Variants in MAGED1 observed in about 807,000 individuals in gnomAD.
MAGED1 encodes the protein MAGE family member D1.
A neutral mutation model predicts 54.1 loss-of-function variants in MAGED1; 3 were observed. The observed-to-expected ratio is 0.06, with a 90% CI of 0.03 to 0.14. The LOEUF (loss-of-function observed/expected upper bound fraction) is 0.14. Among genes scored for constraint, MAGED1 ranks in the 10% least tolerant of loss-of-function variants. MAGED1 has a pLI of 1.00. For synonymous variants in MAGED1, 217 were observed against 227.3 expected, an observed-to-expected ratio of 0.95 and a Z score of 0.41; for missense variants, 485 against 623.4, an observed-to-expected ratio of 0.78 and a Z score of 2.36.
intron 1 of MAGED1, among the ~76,000 whole-genome samples, chrX:51,852,214 A>G (rs1232964729): frequency 3.6e-5 from 4 of 111,674 alleles, no homozygotes; most frequent in Admixed American, 9.5e-5. Flanking sequence ...TCCCGTTGCC[A>G]TCTCTCCTCT....
intron 1 of MAGED1, among the ~76,000 whole-genome samples, chrX:51,834,484 T>A (rs781970409): frequency 1.8e-5 from 2 of 112,490 alleles, no homozygotes; most frequent in South Asian, 7.3e-4. Context: ...TCATTGGTGT[T>A]GACATTTAAA....
chrX:51,901,426 A>G (rs1929017014), intron 11 of MAGED1, 127 bp from the exon 12 acceptor site: 3 of 576,966 alleles, frequency 5.2e-6, no homozygotes, highest in Non-Finnish European at 7.6e-6. Flanking sequence ...AAGGCTGAAT[A>G]GTATTCCATT....
chrX:51,864,490 A>G (rs781961681), intron 1 of MAGED1, among the ~76,000 whole-genome samples: 1 of 111,593 alleles, frequency 9.0e-6, no homozygotes, highest in South Asian at 3.7e-4. Context: ...TTCTTATTCA[A>G]GATTGCTTTT....
At chrX:51,810,496 C>T (rs1925179819) in intron 1 of MAGED1, among the ~76,000 whole-genome samples, 1 of 112,049 alleles carries the variant, frequency 8.9e-6, no homozygotes, top group South Asian at 3.7e-4. Context: ...TTATAGAATG[C>T]TTACTATCAT....
At chrX:51,886,757 T>G (rs1928247778) in intron 1 of MAGED1, among the ~76,000 whole-genome samples, 1 of 110,941 alleles carries the variant, frequency 9.0e-6, no homozygotes, top group Non-Finnish European at 1.9e-5. Flanking sequence ...ACGTGGAAAT[T>G]AAAAATAGAA....
chrX:51,822,518 A>G (rs1363592771), intron 1 of MAGED1, among the ~76,000 whole-genome samples: 1 of 109,723 alleles, frequency 9.1e-6, no homozygotes, highest in African/African-American at 3.3e-5. Context: ...TCGATTCTCT[A>G]TGTCATTTAT....
chrX:51,844,251 A>C (rs1480392441), intron 1 of MAGED1, among the ~76,000 whole-genome samples: 1 of 112,042 alleles, frequency 8.9e-6, no homozygotes, highest in African/African-American at 3.2e-5. Flanking sequence ...GAAGAAAAGA[A>C]GATCCTTACT....
chrX:51,873,592 T>C (rs1197041959), intron 1 of MAGED1, among the ~76,000 whole-genome samples: 1 of 106,605 alleles, frequency 9.4e-6, no homozygotes, highest in Non-Finnish European at 1.9e-5. Flanking sequence ...TGTTTTAGGA[T>C]GGGTATTTGG....
At chrX:51,844,745 G>A (rs1226132542) in intron 1 of MAGED1, among the ~76,000 whole-genome samples, 5 of 111,661 alleles carry the variant, frequency 4.5e-5, no homozygotes, top group African/African-American at 1.6e-4. Context: ...GAATTATCCA[G>A]GATAGATATC....
chrX:51,882,705 T>A (rs1928100516), intron 1 of MAGED1, among the ~76,000 whole-genome samples: 1 of 111,599 alleles, frequency 9.0e-6, no homozygotes, highest in Non-Finnish European at 1.9e-5. Context: ...TTTATTTTTT[T>A]TTGAGACGGA....
intron 1 of MAGED1, among the ~76,000 whole-genome samples, chrX:51,810,592 A>G (rs782375091): frequency 1.2e-4 from 13 of 111,909 alleles, no homozygotes; most frequent in African/African-American, 4.2e-4. Context: ...TCTAGTGTGG[A>G]TATGAGCAAA....
At chrX:51,803,627 C>CTTT (rs1179676499) in intron 1 of MAGED1, among the ~76,000 whole-genome samples, 39 of 60,427 alleles carry the variant, frequency 6.5e-4, no homozygotes, top group African/African-American at 1.7e-3. Context: ...AAGGTCAAGG[C>CTTT]TTTTTTTTTT....
intron 1 of MAGED1, among the ~76,000 whole-genome samples, chrX:51,884,512 A>G (rs1488072297): frequency 2.7e-5 from 3 of 112,291 alleles, no homozygotes; most frequent in Non-Finnish European, 5.6e-5. Flanking sequence ...TCCTAAAATA[A>G]TGGCCAAAGG....
intron 1 of MAGED1, among the ~76,000 whole-genome samples, chrX:51,809,138 G>A (rs1478774605): frequency 2.7e-5 from 3 of 109,317 alleles, no homozygotes; most frequent in Non-Finnish European, 5.7e-5. Flanking sequence ...TTTTTGAGAC[G>A]GAGTCTCGCT....
intron 2 of MAGED1, chrX:51,894,572 G>A: frequency 9.2e-7 from 1 of 1,084,100 alleles, no homozygotes. Context: ...AGTAGTCAGG[G>A]CAATCTGCCC....
At chrX:51,831,439 C>T (rs1403190614) in intron 1 of MAGED1, among the ~76,000 whole-genome samples, 1 of 110,522 alleles carries the variant, frequency 9.0e-6, no homozygotes, top group African/African-American at 3.3e-5. Context: ...CAGGGAGACC[C>T]CATCTCTACA....
chrX:51,841,840 C>T (rs1032467785), intron 1 of MAGED1, among the ~76,000 whole-genome samples: 11 of 111,913 alleles, frequency 9.8e-5, no homozygotes, highest in Admixed American at 9.5e-4. Flanking sequence ...TTACTGTAGC[C>T]TTGTAGTATA....
chrX:51,853,995 C>T (rs782295809), intron 1 of MAGED1, among the ~76,000 whole-genome samples: 1 of 111,942 alleles, frequency 8.9e-6, no homozygotes, highest in African/African-American at 3.2e-5. Flanking sequence ...CTCTGTCCAA[C>T]CCTGAAACCT....
At chrX:51,858,609 CT>C (rs1438345480) in intron 1 of MAGED1, among the ~76,000 whole-genome samples, 1 of 111,803 alleles carries the variant, frequency 8.9e-6, no homozygotes, top group Non-Finnish European at 1.9e-5. Context: ...AAAGCACAGG[CT>C]CTGGGATTGG....
Sources: allele counts gnomAD v4.1 joint callset (sites outside exome capture counted in the v4.1 genomes callset), GRCh38; gene constraint gnomAD v4.1.1; transcripts MANE v1.5; gene names NCBI Gene and HGNC (gene_info 2026-07-23, HGNC 2026-07-21).